The following PHF14 variants were observed in gnomAD, a reference collection of about 807,000 sequenced individuals.
PHF14 encodes PHD finger protein 14.
Under a neutral mutation model 117.9 loss-of-function variants are expected in PHF14, and 55 were observed. That is an observed-to-expected ratio of 0.47 (90% CI 0.38 to 0.58). The LOEUF (loss-of-function observed/expected upper bound fraction) is 0.58. Among genes scored for constraint, PHF14 ranks in the 20% least tolerant of loss-of-function variants. PHF14 has a pLI of 0.00. For synonymous variants in PHF14, 409 were observed against 368.6 expected, an observed-to-expected ratio of 1.11 and a Z score of -1.26; for missense variants, 978 against 1,122.2, an observed-to-expected ratio of 0.87 and a Z score of 1.84.
intron 4 of PHF14, among the ~76,000 whole-genome samples, chr7:11,011,566 G>A (rs1583363184): frequency 2.0e-5 from 3 of 152,094 alleles, no homozygotes; most frequent in African/African-American, 7.2e-5. Context: ...AAGGATGTTG[G>A]GATGGTTGCT....
intron 16 of PHF14, chr7:11,110,542 C>T (rs1364360596): frequency 1.1e-5 from 11 of 979,024 alleles, no homozygotes; most frequent in Non-Finnish European, 1.2e-5. Context: ...TTGTCTGAAA[C>T]GAAGAATAGG....
At chr7:11,110,593 A>C in intron 16 of PHF14, 1 of 852,790 alleles carries the variant, frequency 1.2e-6, no homozygotes, top group Non-Finnish European at 1.4e-6. Flanking sequence ...TAGGTGGCAA[A>C]GACACTATCA....
intron 3 of PHF14, among the ~76,000 whole-genome samples, chr7:10,985,339 A>T (rs10277845): frequency 6.6e-6 from 1 of 152,028 alleles, no homozygotes; most frequent in African/African-American, 2.4e-5. Flanking sequence ...CTTTGTTTTC[A>T]GAAACTACTT....
intron 17 of PHF14, among the ~76,000 whole-genome samples, chr7:11,126,517 A>G (rs939335111): frequency 2.0e-5 from 3 of 152,110 alleles, no homozygotes; most frequent in African/African-American, 7.2e-5. Flanking sequence ...AATCTACTAC[A>G]TATGAATCTA....
intron 16 of PHF14, chr7:11,106,886 T>C: frequency 1.0e-6 from 1 of 983,312 alleles, no homozygotes; most frequent in African/African-American, 1.7e-5. Context: ...TTGCTTTATA[T>C]AAACTTATAG....
chr7:11,169,576 TC>T lies in PHF14; in HGVS notation c.*87del. 1.8e-6 allele frequency: 1 copy of T among 565,200 alleles called. No homozygotes were observed. The highest frequency in any genetic ancestry group is 3.0e-6 in the Non-Finnish European group (1 of 331,524). 35.0% of individuals were successfully genotyped at this position (565,200 alleles called of 1,614,324 possible). On this transcript the variant is annotated 3_prime_UTR_variant, in exon 18 of 18. Transcript: ENST00000634607. Reference sequence around the variant, plus strand: ...AATTGTAAAATGTTAAATTGTAAAATCTAATTTGCAAAATGTTCTCAATAAA... The same window carrying T: ...AATTGTAAAATGTTAAATTGTAAAATTAATTTGCAAAATGTTCTCAATAAA...
chr7:11,041,574 C>G (rs1266376836), intron 12 of PHF14, among the ~76,000 whole-genome samples: 3 of 151,886 alleles, frequency 2.0e-5, no homozygotes, highest in Non-Finnish European at 4.4e-5. Flanking sequence ...ATCTCCATAA[C>G]TACCTTCTGT....
At chr7:11,164,103 A>T (rs1478556661) in intron 17 of PHF14, among the ~76,000 whole-genome samples, 2 of 152,232 alleles carry the variant, frequency 1.3e-5, no homozygotes, top group Non-Finnish European at 2.9e-5. Flanking sequence ...AAAATATCAT[A>T]AGAATATAGA....
chr7:11,028,773 C>G lies in PHF14; in HGVS notation c.1410C>G (p.Thr470=), dbSNP rs754658779. Residue 470 remains threonine (T), a synonymous_variant, in exon 7 of 18, where the codon ACC becomes ACG. Coordinates refer to ENST00000634607, the MANE Select transcript of PHF14 (RefSeq NM_001007157.2). ...AGMCRAYFHV[T]CAQKEGLLSE... is the part of the protein sequence containing the mutation. The stretch of plus-strand genomic sequence containing the variant: ...TGTGCAGAGCCTATTTCCATGTGAC[C>G]TGTGCTCAAAAGGAAGGTCTGCTTT... The G allele has an allele frequency of 3.1e-6, 5 of 1,613,746 alleles. No individual in the cohort carries two copies. The African/African-American group carries it at 4.0e-5, about 13-fold the overall frequency.
intron 2 of PHF14, among the ~76,000 whole-genome samples, chr7:10,977,200 C>T (rs555594002): frequency 6.6e-6 from 1 of 152,028 alleles, no homozygotes; most frequent in South Asian, 2.1e-4. Context: ...TGTGGATTCC[C>T]AGCCCTACTT....
rs186807689 is a variant in PHF14, at chr7:11,097,820, C to G, written c.2655-13530C>G. ...CACACTCTTCCAAATCTTGTTTGTCCCTTCCTCTATTCTATCTTCTCCTTC... is the reference window on the plus strand; with the variant it reads ...CACACTCTTCCAAATCTTGTTTGTCGCTTCCTCTATTCTATCTTCTCCTTC... On this transcript the variant is annotated intron_variant, in intron 16 of 17. Coordinates refer to ENST00000634607, the MANE Select transcript of PHF14 (RefSeq NM_001007157.2). Among the ~76,000 whole-genome samples, 24 of 152,222 alleles carry G rather than the reference C, an allele frequency of 1.6e-4. No homozygotes were observed. The East Asian group carries it at 4.5e-3, about 28-fold the overall frequency.
chr7:10,978,022 C>T (rs1042841574), intron 2 of PHF14, among the ~76,000 whole-genome samples: 2 of 152,134 alleles, frequency 1.3e-5, no homozygotes, highest in Non-Finnish European at 2.9e-5. Flanking sequence ...TGCTCTCTAC[C>T]CCTATCCCCC....
chr7:10,986,970 T>C (rs1027190024), intron 3 of PHF14, among the ~76,000 whole-genome samples: 1 of 152,230 alleles, frequency 6.6e-6, no homozygotes, highest in African/African-American at 2.4e-5. Flanking sequence ...TTATGTTCTT[T>C]GCTGAGTAGA....
At chr7:11,135,698 G>T (rs1271513519) in intron 17 of PHF14, among the ~76,000 whole-genome samples, 2 of 152,062 alleles carry the variant, frequency 1.3e-5, no homozygotes, top group East Asian at 3.9e-4. Context: ...CATTGCCGTG[G>T]TTATATTTCC....
At chr7:11,037,156 G>T in intron 10 of PHF14, 65 bp downstream of exon 10, 1 of 1,369,312 alleles carries the variant, frequency 7.3e-7, no homozygotes, top group Non-Finnish European at 9.7e-7. Context: ...TTTTGTGAAT[G>T]TATGGCATTT....
chr7:11,149,662 G>C (rs1788650692), intron 17 of PHF14, among the ~76,000 whole-genome samples: 1 of 152,042 alleles, frequency 6.6e-6, no homozygotes, highest in Admixed American at 6.6e-5. Flanking sequence ...TTGAAATTTA[G>C]GGAGATAAAT....
chr7:11,029,325 C>G (rs1023531152), intron 7 of PHF14, among the ~76,000 whole-genome samples: 1 of 152,062 alleles, frequency 6.6e-6, no homozygotes, highest in African/African-American at 2.4e-5. Context: ...GGTTAAGATT[C>G]GTTCAAGTAT....
At chr7:11,102,766 G>T in intron 16 of PHF14, 5 of 1,377,056 alleles carry the variant, frequency 3.6e-6, no homozygotes, top group African/African-American at 2.9e-5. Flanking sequence ...TCTTCTTTTT[G>T]CTTTTTTTGC....
chr7:11,108,228 A>G (rs988080942), intron 16 of PHF14: 2 of 151,768 alleles, frequency 1.3e-5, no homozygotes, highest in African/African-American at 4.8e-5. Context: ...TCAATATTCT[A>G]AGATAGAAAC....
Sources: gnomAD v4.1 joint callset for allele counts (sites outside exome capture counted in the v4.1 genomes callset) on GRCh38, gnomAD v4.1.1 for gene constraint, MANE v1.5 for transcripts, NCBI Gene and HGNC (gene_info 2026-07-23, HGNC 2026-07-21) for gene names.